Variants in CDYL observed in about 807,000 individuals in gnomAD.
CDYL encodes the protein chromodomain Y like, also known as chromodomain Y-like protein.
A neutral mutation model predicts 47.3 loss-of-function variants in CDYL; 8 were observed. The observed-to-expected ratio is 0.17, with a 90% confidence interval of 0.10 to 0.31. The LOEUF is 0.31. Ranked by LOEUF, CDYL falls within the 10% of genes least tolerant of loss-of-function variation. The pLI is 1.00. For synonymous variants in CDYL, 266 were observed against 265.0 expected (o/e 1.00, Z -0.04); for missense variants, 471 against 701.4 (o/e 0.67, Z 3.71).
rs142810471 is a variant in CDYL, at chr6:4,946,746, C to T, written c.1332+2990C>T. On this transcript the variant is annotated intron_variant, in intron 5 of 6. Coordinates refer to ENST00000397588, the MANE Select transcript of CDYL (RefSeq NM_004824.4). The stretch of plus-strand genomic sequence containing the variant: ...GGTCATGTGGGGTCCCGTGGTCGGG[C>T]GCTTTGCCTCTCCCAGTCCCAGCCA... Among the ~76,000 whole-genome samples the T allele has an allele frequency of 3.4e-3, 517 of 152,186 alleles. 1 individual carries two copies. Among genetic ancestry groups the T allele is most frequent in the South Asian group, 0.019 (90 of 4,824 alleles).
At chr6:4,924,494 C>T (rs1757808204) in intron 2 of CDYL, among the ~76,000 whole-genome samples, 2 of 152,278 alleles carry the variant, frequency 1.3e-5, no homozygotes, top group South Asian at 4.1e-4. Context: ...CTCCTCTGTT[C>T]TCAGGTTTTT....
chr6:4,954,294 C>T lies in CDYL; in HGVS notation c.*238C>T, dbSNP rs1375084268. On this transcript the variant is annotated 3_prime_UTR_variant, in exon 7 of 7. Coordinates refer to ENST00000397588, the MANE Select transcript of CDYL (RefSeq NM_004824.4). ...CGTCATTATTTTATACTTATATACA[C>T]GCAGGTGTAAAAGTATAAAGGTGAG... is the stretch of plus-strand genomic sequence containing the variant. The T allele has an allele frequency of 1.1e-5, 4 of 372,560 alleles. No individual in the cohort carries two copies. Among genetic ancestry groups the T allele is most frequent in the South Asian group, 6.2e-5 (1 of 16,182 alleles). The allele number at this position is 372,560 out of a possible 1,614,324, so 23.1% of individuals were successfully genotyped here. A position where few individuals can be genotyped will look rare whatever the true frequency, so the allele number is the denominator to read the frequency against.
chr6:4,910,624 CTG>C (rs1348555480), intron 2 of CDYL, among the ~76,000 whole-genome samples: 22 of 152,240 alleles, frequency 1.4e-4, no homozygotes, highest in African/African-American at 4.8e-4. Context: ...ACTTAAGAGA[CTG>C]TGTTCAAAGG....
intron 2 of CDYL, among the ~76,000 whole-genome samples, chr6:4,728,246 A>G (rs1239081013): frequency 3.3e-5 from 5 of 152,242 alleles, no homozygotes; most frequent in Non-Finnish European, 1.5e-5. Context: ...AGGCTGATCC[A>G]CATCTGAGCC....
intron 1 of CDYL, among the ~76,000 whole-genome samples, chr6:4,799,270 A>G (rs982330774): frequency 6.6e-5 from 10 of 152,118 alleles, no homozygotes; most frequent in Admixed American, 5.2e-4. Context: ...CACATTTCCT[A>G]TAAGATTTCA....
chr6:4,923,942 T>C (rs1027253978), intron 2 of CDYL, among the ~76,000 whole-genome samples: 1 of 151,936 alleles, frequency 6.6e-6, no homozygotes, highest in Non-Finnish European at 1.5e-5. Flanking sequence ...GAGTTCCCCT[T>C]TCTCCAAGGA....
chr6:4,761,482 T>C (rs1758174469), intron 3 of CDYL, among the ~76,000 whole-genome samples: 1 of 152,182 alleles, frequency 6.6e-6, no homozygotes, highest in African/African-American at 2.4e-5. Context: ...TAGCTGAGAT[T>C]ACAGGCGTCC....
intron 1 of CDYL, among the ~76,000 whole-genome samples, chr6:4,785,813 A>T (rs1010916220): frequency 3.3e-5 from 5 of 152,190 alleles, no homozygotes; most frequent in African/African-American, 1.2e-4. Flanking sequence ...TTATTTGGTA[A>T]AGGAAAAGGC....
intron 2 of CDYL, among the ~76,000 whole-genome samples, chr6:4,902,335 G>A (rs1490607929): frequency 2.0e-5 from 3 of 151,810 alleles, no homozygotes; most frequent in African/African-American, 7.3e-5. Context: ...GAACCCGGGA[G>A]GCAGAGGTTG....
Position 4,711,997 on chromosome 6 carries a change from C to T in CDYL, c.-38-3744C>T, listed in dbSNP as rs140250808. Among the ~76,000 whole-genome samples the T allele has an allele frequency of 1.5e-3, 233 of 152,074 alleles. 1 individual carries two copies. Among genetic ancestry groups the T allele is most frequent in the African/African-American group, 4.9e-3 (205 of 41,502 alleles). On this transcript the variant is annotated intron_variant, in intron 1 of 8. Transcript: ENST00000328908. ...GGAGGATCGCTTGAGCCCAGAAGGT[C>T]GAGGCTGCAGTGAGCCATAACCACG...
At chr6:4,914,548 A>C (rs1757503522) in intron 2 of CDYL, among the ~76,000 whole-genome samples, 2 of 152,158 alleles carry the variant, frequency 1.3e-5, no homozygotes, top group Admixed American at 1.3e-4. Flanking sequence ...ATCTTTCCTC[A>C]GATTGCAGGC....
intron 4 of CDYL, among the ~76,000 whole-genome samples, chr6:4,939,482 A>T (rs1758299587): frequency 6.6e-6 from 1 of 152,194 alleles, no homozygotes; most frequent in Admixed American, 6.5e-5. Flanking sequence ...TTCTCATATG[A>T]TGTACACATG....
intron 2 of CDYL, among the ~76,000 whole-genome samples, chr6:4,931,291 T>A (rs546562249): frequency 6.6e-6 from 1 of 152,066 alleles, no homozygotes; most frequent in Non-Finnish European, 1.5e-5. Context: ...GAGAAAGAAA[T>A]AACTTTCATG....
intron 2 of CDYL, among the ~76,000 whole-genome samples, chr6:4,899,825 C>T (rs1191512410): frequency 3.3e-5 from 5 of 152,160 alleles, no homozygotes; most frequent in African/African-American, 1.2e-4. Flanking sequence ...CAGCCATATC[C>T]CGAGGGGAAG....
chr6:4,838,580 T>C (rs1561662779), intron 1 of CDYL, among the ~76,000 whole-genome samples: 1 of 152,364 alleles, frequency 6.6e-6, no homozygotes, highest in East Asian at 1.9e-4. Context: ...TTCCATGTTT[T>C]TGCAATTGCA....
intron 1 of CDYL, among the ~76,000 whole-genome samples, chr6:4,856,580 G>A (rs142662290): frequency 3.9e-5 from 6 of 152,264 alleles, no homozygotes; most frequent in East Asian, 1.9e-4. Context: ...TGCGACAGTC[G>A]GGGCCAGAAC....
intron 1 of CDYL, among the ~76,000 whole-genome samples, chr6:4,855,051 A>G (rs1760965837): frequency 6.6e-6 from 1 of 152,208 alleles, no homozygotes; most frequent in Admixed American, 6.5e-5. Flanking sequence ...CTATGTCTAG[A>G]CAAGGTTGCT....
rs1037562940 is a variant in CDYL at position 4,758,320 on chromosome 6, C to G, written c.186+23476C>G. Among the ~76,000 whole-genome samples the G allele has an allele frequency of 7.0e-5, 10 of 142,808 alleles. No individual in the cohort carries two copies. In the Admixed American group the frequency reaches 7.1e-4, roughly 10 times the overall value. The allele number at this position is 142,808 out of a possible 152,430, so 93.7% of individuals were successfully genotyped here. A position where few individuals can be genotyped will look rare whatever the true frequency, so the allele number is the denominator to read the frequency against. On this transcript the variant is annotated intron_variant, in intron 3 of 8. Transcript: ENST00000328908. ...CGCCACTGCACTCCAGCGTGGGTGA[C>G]AGAACAAGACTCATGTCTTGAAAAT...
In CDYL at chr6:4,901,441, C is replaced by T. The variant is rs1222576841; in HGVS notation, c.691+9062C>T. The stretch of plus-strand genomic sequence containing the variant: ...AAGGTTGGGAGCAGCTATATATACA[C>T]AGGGTACAGGCTCTCTAGCCTCTTC... On this transcript the variant is annotated intron_variant, in intron 2 of 6. Coordinates refer to ENST00000397588, the MANE Select transcript of CDYL (RefSeq NM_004824.4). 2.6e-5 allele frequency among the ~76,000 whole-genome samples: 4 copies of T among 152,284 alleles called. No homozygotes were observed. In the East Asian group the frequency reaches 7.7e-4, roughly 29 times the overall value.
Sources: allele counts gnomAD v4.1 joint callset (sites outside exome capture counted in the v4.1 genomes callset), GRCh38; gene constraint gnomAD v4.1.1; transcripts MANE v1.5; gene names NCBI Gene and HGNC (gene_info 2026-07-23, HGNC 2026-07-21).